Variants in UGT1A1 observed in about 807,000 individuals in gnomAD.
UGT1A1 encodes the protein UDP-glucuronosyltransferase 1A1.
UGT1A1 carries 33 observed loss-of-function variants against 40.6 expected under a neutral mutation model. The observed-to-expected ratio is 0.81, with a 90% CI of 0.62 to 1.09. The LOEUF (loss-of-function observed/expected upper bound fraction) is 1.09, where lower values mean the gene tolerates loss of function less well. Ranked by LOEUF, UGT1A1 falls within the 50% of genes least tolerant of loss-of-function variation. The pLI is 0.00. For synonymous variants in UGT1A1, 249 were observed against 265.0 expected (o/e 0.94, Z 0.59); for missense variants, 694 against 671.2 (o/e 1.03, Z -0.38).
rs779879780 is a variant in UGT1A1 at position 233,772,123 on chromosome 2, AACAAC to A, written c.1305-137_1305-133del. ...GCAAGACTCTGTATCTAAAAACAAC[AACAAC>A]AACAATAATAGAAACAGGTTTCCTT... On this transcript the variant is annotated intron_variant, in intron 4 of 4. Transcript: ENST00000305208. 9.6e-4 allele frequency: 1,484 copies of A among 1,538,280 alleles called. 5 individuals are homozygous for A. The highest frequency in any genetic ancestry group is 4.4e-3 in the Admixed American group (222 of 50,484).
Position 233,769,043 on chromosome 2 carries a change from C to T in UGT1A1, c.1304+604C>T, listed in dbSNP as rs1699778649. 6.6e-6 allele frequency among the ~76,000 whole-genome samples: 1 copy of T among 152,118 alleles called. No individual in the cohort carries two copies. The highest frequency in any genetic ancestry group is 1.5e-5 in the Non-Finnish European group (1 of 68,028). On this transcript the variant is annotated intron_variant, in intron 4 of 4. Coordinates refer to ENST00000305208, the MANE Select transcript of UGT1A1 (RefSeq NM_000463.3). This position sits in a 1 kb window ranked among gnomAD's most constrained non-coding sequence, Gnocchi z 4.4. ...AAAGTTGCCATAATAGACATCTGATCCATAAGTTTCCTGCACAGAAAGAAA... is the reference window on the plus strand; with the variant it reads ...AAAGTTGCCATAATAGACATCTGATTCATAAGTTTCCTGCACAGAAAGAAA...
At chr2:233,768,066 C>A in intron 3 of UGT1A1, 130 bp downstream of exon 3, 1 of 1,597,468 alleles carries the variant, frequency 6.3e-7, no homozygotes, top group Non-Finnish European at 8.5e-7. Context: ...TGCTTTTTAT[C>A]TAGTGGGGTA....
Position 233,761,084 on chromosome 2 carries a change from G to A in UGT1A1, c.797G>A (p.Arg266Lys). The change falls in exon 1 of 5, where the codon AGG becomes AAG. Residue 266 changes from arginine (R) to lysine (K), a missense_variant. Physicochemically the swap from Arg to Lys is conservative, Grantham distance 26 (BLOSUM62 2). Transcript: ENST00000305208. ...AGTGACTTTGTGAAGGATTACCCTA[G>A]GCCCATCATGCCCAATATGGTTTTT... ...FRSDFVKDYP[R>K]PIMPNMVFVG... The A allele has an allele frequency of 6.2e-7, 1 of 1,614,126 alleles. No individual in the cohort carries two copies. Among genetic ancestry groups the A allele is most frequent in the Non-Finnish European group, 8.5e-7 (1 of 1,180,024 alleles).
chr2:233,763,704 GA>G lies in UGT1A1; in HGVS notation c.864+2555del, dbSNP rs779879703. On this transcript the variant is annotated intron_variant, in intron 1 of 4. Transcript: ENST00000305208. ...AAAGATAAAACTTTTATTGCACAAA[GA>G]AGTCCATAGAGAAAGCACAACCTGG... Among the ~76,000 whole-genome samples the G allele has an allele frequency of 3.9e-5, 6 of 152,288 alleles. No individual in the cohort carries two copies. The South Asian group carries it at 1.2e-3, about 32-fold the overall frequency.
In UGT1A1 at chr2:233,760,715, G is replaced by A. The variant is rs1559407347; in HGVS notation, c.428G>A (p.Ser143Asn). The part of the protein sequence containing the change: ...NKELMASLAE[S>N]SFDVMLTDPF... ...GAGCTCATGGCCTCCCTGGCAGAAA[G>A]CAGCTTTGATGTCATGCTGACGGAC... is the stretch of plus-strand genomic sequence containing the variant. The change falls in exon 1 of 5, where the codon AGC (serine) becomes AAC (asparagine). Residue 143 changes from serine to asparagine, a missense_variant. Transcript: ENST00000305208. The A allele has an allele frequency of 1.2e-6, 2 of 1,614,196 alleles. No individual in the cohort carries two copies. The highest frequency in any genetic ancestry group is 1.3e-5 in the African/African-American group (1 of 75,042).
rs983416663 is a variant in UGT1A1, at chr2:233,760,508, A to T, written c.221A>T (p.Tyr74Phe). Residue 74 changes from tyrosine (Y) to phenylalanine (F), a missense_variant, in exon 1 of 5, where the codon TAC becomes TTC. Coordinates refer to ENST00000305208, the MANE Select transcript of UGT1A1 (RefSeq NM_000463.3). Reference protein sequence around the residue: ...ASLYIRDGAFYTLKTYPVPFQ... With the variant: ...ASLYIRDGAFFTLKTYPVPFQ... Reference sequence around the variant, plus strand: ...TTGTACATCAGAGACGGAGCATTTTACACCTTGAAGACGTACCCTGTGCCA... The same window carrying T: ...TTGTACATCAGAGACGGAGCATTTTTCACCTTGAAGACGTACCCTGTGCCA... The T allele has an allele frequency of 5.0e-6, 8 of 1,614,272 alleles. No homozygotes were observed. The highest frequency in any genetic ancestry group is 6.8e-6 in the Non-Finnish European group (8 of 1,180,054).
At chr2:233,762,623 C>A (rs1698115974) in intron 1 of UGT1A1, among the ~76,000 whole-genome samples, 1 of 152,126 alleles carries the variant, frequency 6.6e-6, no homozygotes, top group Non-Finnish European at 1.5e-5. Flanking sequence ...GTTGTGACCT[C>A]AAACACTTCC....
rs149750520 is a variant in UGT1A1, at chr2:233,767,884, T to C, written c.1032T>C (p.Asn344=). ...GGTACACTGGAACCCGACCATCGAA[T>C]CTTGCGAACAACACGATACTTGTTA... The part of the protein sequence containing the change: ...LWRYTGTRPS[N]LANNTILVKW... The change falls in exon 3 of 5, where the codon AAT becomes AAC. Residue 344 remains asparagine (N), a synonymous_variant. Coordinates refer to ENST00000305208, the MANE Select transcript of UGT1A1 (RefSeq NM_000463.3). The C allele has an allele frequency of 6.2e-7, 1 of 1,614,080 alleles. No homozygotes were observed. Among genetic ancestry groups the C allele is most frequent in the East Asian group, 2.2e-5 (1 of 44,900 alleles).
In UGT1A1 at chr2:233,763,074, C is replaced by T. The variant is rs112277298; in HGVS notation, c.864+1923C>T. On this transcript the variant is annotated intron_variant, in intron 1 of 4. Coordinates refer to ENST00000305208, the MANE Select transcript of UGT1A1 (RefSeq NM_000463.3). ...TTGATTTAGATAATTTCCTTCTTTGCGTGAGGATGTTTGTAGGAGAGGCAC... is the reference window on the plus strand; with the variant it reads ...TTGATTTAGATAATTTCCTTCTTTGTGTGAGGATGTTTGTAGGAGAGGCAC... Among the ~76,000 whole-genome samples, 590 of 152,258 alleles carry T rather than the reference C, an allele frequency of 3.9e-3. 2 individuals are homozygous for T. Among genetic ancestry groups the T allele is most frequent in the Admixed American group, 5.9e-3 (90 of 15,292 alleles).
chr2:233,769,493 G>A lies in UGT1A1; in HGVS notation c.1304+1054G>A. ...TGTGTGTGTGTGCGTGTGTTTATGA[G>A]AGTGTCCATTGCTTTCTCCCATGGT... On this transcript the variant is annotated intron_variant, in intron 4 of 4. Coordinates refer to ENST00000305208, the MANE Select transcript of UGT1A1 (RefSeq NM_000463.3). The surrounding 1 kb of genome is among the most constrained non-coding windows in gnomAD (Gnocchi z 4.4). 1 of 1,612,700 alleles carries A rather than the reference G, an allele frequency of 6.2e-7. No homozygotes were observed. Among genetic ancestry groups the A allele is most frequent in the East Asian group, 2.2e-5 (1 of 44,876 alleles).
chr2:233,762,650 A>G (rs1191446046), intron 1 of UGT1A1, among the ~76,000 whole-genome samples: 5 of 151,336 alleles, frequency 3.3e-5, no homozygotes, highest in Admixed American at 2.6e-4. Context: ...AAGATAAGCT[A>G]TTTTGTAGTT....
rs985684086 is a variant in UGT1A1 at position 233,766,924 on chromosome 2, A to C, written c.865-110A>C. 8.4e-5 allele frequency: 132 copies of C among 1,565,450 alleles called. 1 individual carries two copies. In the Middle Eastern group the frequency reaches 1.0e-3, roughly 12 times the overall value. ...ATTTTTTACTCTATCTCAAACACGCATGCCTTTAATCATAGTCTTAAGAGG... is the reference window on the plus strand; with the variant it reads ...ATTTTTTACTCTATCTCAAACACGCCTGCCTTTAATCATAGTCTTAAGAGG... On this transcript the variant is annotated intron_variant, in intron 1 of 4. Coordinates refer to ENST00000305208, the MANE Select transcript of UGT1A1 (RefSeq NM_000463.3).
At chr2:233,772,103 ACT>A (rs758185020) in intron 4 of UGT1A1, among the ~76,000 whole-genome samples, 157 bp from the exon 5 acceptor site, 84 of 152,280 alleles carry the variant, frequency 5.5e-4, no homozygotes, top group Admixed American at 1.4e-3. Flanking sequence ...ACAGGGCAAG[ACT>A]CTGTATCTAA....
intron 1 of UGT1A1, among the ~76,000 whole-genome samples, chr2:233,761,373 T>G (rs1041958865): frequency 6.6e-6 from 1 of 152,254 alleles, no homozygotes; most frequent in Middle Eastern, 3.2e-3. Context: ...TTGGACATTT[T>G]ACTCTGTGTG....
rs202172337 is a variant in UGT1A1 at position 233,772,279 on chromosome 2, T to C, written c.1322T>C (p.Met441Thr). The change falls in exon 5 of 5, where the codon ATG becomes ACG. Residue 441 changes from methionine to threonine, a missense_variant. Met to Thr is a moderately conservative substitution (Grantham distance 81). Transcript: ENST00000305208. ...GTGTTTAGTTACAAGGAGAACATCA[T>C]GCGCCTCTCCAGCCTTCACAAGGAC... is the stretch of plus-strand genomic sequence containing the variant. ...INDKSYKENI[M>T]RLSSLHKDRP... is the part of the protein sequence containing the mutation. 1.3e-4 allele frequency: 204 copies of C among 1,614,264 alleles called. No individual in the cohort carries two copies. Among genetic ancestry groups the C allele is most frequent in the East Asian group, 4.2e-4 (19 of 44,890 alleles).
intron 1 of UGT1A1, among the ~76,000 whole-genome samples, chr2:233,761,833 G>A (rs549701832): frequency 6.6e-6 from 1 of 152,304 alleles, no homozygotes; most frequent in Admixed American, 6.5e-5. Flanking sequence ...CAGATGGAGC[G>A]TTAGGGAATT....
chr2:233,760,719 C>A lies in UGT1A1; in HGVS notation c.432C>A (p.Ser144Arg). ...KELMASLAES[S>R]FDVMLTDPFL... ...TCATGGCCTCCCTGGCAGAAAGCAG[C>A]TTTGATGTCATGCTGACGGACCCTT... The change falls in exon 1 of 5, where the codon AGC (serine) becomes AGA (arginine). Residue 144 changes from serine to arginine, a missense_variant. Ser to Arg is a moderately radical substitution (Grantham distance 110, BLOSUM62 -1). Transcript: ENST00000305208. 2.5e-6 allele frequency: 4 copies of A among 1,614,206 alleles called. No individual in the cohort carries two copies. Among genetic ancestry groups the A allele is most frequent in the Non-Finnish European group, 3.4e-6 (4 of 1,180,040 alleles).
intron 2 of UGT1A1, 34 bp downstream of exon 2, chr2:233,767,199 T>C (rs2126030914): frequency 1.9e-6 from 3 of 1,613,616 alleles, no homozygotes; most frequent in East Asian, 4.5e-5. Flanking sequence ...CTCATATCTA[T>C]TTTCACAGGA....
At position 233,769,327 on chromosome 2, in the gene UGT1A1, G is replaced by C. The variant is rs1477763656; in HGVS notation, c.1304+888G>C. The stretch of plus-strand genomic sequence containing the variant: ...TTACTGTCAAGCTCACTGGTAATAG[G>C]CTTATTAGAACCTTATGGGAAGAAG... On this transcript the variant is annotated intron_variant, in intron 4 of 4. Transcript: ENST00000305208. The surrounding 1 kb of genome is among the most constrained non-coding windows in gnomAD (Gnocchi z 4.4). 6.6e-6 allele frequency among the ~76,000 whole-genome samples: 1 copy of C among 152,234 alleles called. No homozygotes were observed. The highest frequency in any genetic ancestry group is 1.5e-5 in the Non-Finnish European group (1 of 68,042).
Sources: gnomAD v4.1 joint callset for allele counts (sites outside exome capture counted in the v4.1 genomes callset) on GRCh38, gnomAD v4.1.1 for gene constraint, Gnocchi (gnomAD v3.1) non-coding constraint, MANE v1.5 for transcripts, NCBI Gene and HGNC (gene_info 2026-07-23, HGNC 2026-07-21) for gene names.